Variants in LRGUK observed in about 807,000 individuals in gnomAD.
The protein encoded by LRGUK is leucine rich repeats and guanylate kinase domain containing.
In LRGUK, 65 loss-of-function variants were observed where a neutral mutation model predicts 76.0. The ratio of observed to expected loss-of-function variants is 0.85; its 90% CI spans 0.70 to 1.05. The LOEUF is 1.05. LRGUK is among the 50% of genes least tolerant of loss of function. LRGUK has a pLI of 0.00. For missense variants in LRGUK, 758 were observed against 732.8 expected (o/e 1.03, Z -0.40); for synonymous variants, 268 against 265.6 (o/e 1.01, Z -0.09).
At chr7:134,218,209 G>T (rs1801487900) in intron 15 of LRGUK, among the ~76,000 whole-genome samples, 2 of 152,154 alleles carry the variant, frequency 1.3e-5, no homozygotes, top group Non-Finnish European at 2.9e-5. Flanking sequence ...GTGAACGCCT[G>T]CCTCGGCCTC....
At position 134,220,874 on chromosome 7, in the gene LRGUK, C is replaced by T. The variant is rs542026920; in HGVS notation, c.1844-905C>T. The stretch of plus-strand genomic sequence containing the variant: ...TGTGAGCCATTGCACCTGGCCAAGT[C>T]GGGTCTTGTGTGCCAAGCATGCAGG... On this transcript the variant is annotated intron_variant, in intron 15 of 19. Coordinates refer to the LRGUK transcript ENST00000285928. 2.3e-4 allele frequency among the ~76,000 whole-genome samples: 35 copies of T among 152,144 alleles called. 1 individual carries two copies. Among genetic ancestry groups the T allele is most frequent in the African/African-American group, 8.2e-4 (34 of 41,506 alleles).
intron 15 of LRGUK, among the ~76,000 whole-genome samples, chr7:134,217,536 T>A (rs1801466931): frequency 3.3e-5 from 5 of 152,208 alleles, no homozygotes; most frequent in Admixed American, 3.3e-4. Flanking sequence ...TAAAAGTTTA[T>A]TTTGCTATGG....
chr7:134,204,926 C>T (rs970768523), intron 15 of LRGUK, among the ~76,000 whole-genome samples: 3 of 152,156 alleles, frequency 2.0e-5, no homozygotes, highest in Non-Finnish European at 2.9e-5. Flanking sequence ...CCAGTGGGTT[C>T]GTGGTCTTGC....
intron 19 of LRGUK, among the ~76,000 whole-genome samples, chr7:134,260,216 A>G (rs1008753629): frequency 2.0e-5 from 3 of 151,938 alleles, no homozygotes; most frequent in African/African-American, 7.3e-5. Context: ...ATATATATGC[A>G]TATTATAATA....
intron 16 of LRGUK, among the ~76,000 whole-genome samples, chr7:134,233,357 C>T (rs1367616770): frequency 6.6e-6 from 1 of 152,238 alleles, no homozygotes; most frequent in Non-Finnish European, 1.5e-5. Flanking sequence ...TCCTCCAACA[C>T]CTTTACCCCT....
chr7:134,237,937 A>G (rs1303037512), intron 16 of LRGUK, among the ~76,000 whole-genome samples: 1 of 152,142 alleles, frequency 6.6e-6, no homozygotes, highest in Non-Finnish European at 1.5e-5. Context: ...CCATTAAATT[A>G]CTCCGTTGAT....
chr7:134,181,381 A>G (rs956661220), intron 10 of LRGUK, among the ~76,000 whole-genome samples: 1 of 151,338 alleles, frequency 6.6e-6, no homozygotes, highest in Non-Finnish European at 1.5e-5. Flanking sequence ...TCTTTCCCTT[A>G]TATGTAATGT....
intron 5 of LRGUK, among the ~76,000 whole-genome samples, chr7:134,150,479 CAAAAAAA>C (rs11403705): frequency 7.4e-6 from 1 of 134,574 alleles, no homozygotes; most frequent in Non-Finnish European, 1.6e-5. Context: ...AACAAGCAAA[CAAAAAAA>C]AAAAAAAAAG....
intron 16 of LRGUK, among the ~76,000 whole-genome samples, chr7:134,226,218 A>ATGTGAGTG (rs747641349): frequency 8.5e-5 from 12 of 141,796 alleles, no homozygotes; most frequent in African/African-American, 3.4e-4. Flanking sequence ...CCCATCTCCA[A>ATGTGAGTG]TGTGTGTGTG....
At chr7:134,136,954 A>T (rs1385071426) in intron 1 of LRGUK, 69 bp from the exon 2 acceptor site, 3 of 1,275,150 alleles carry the variant, frequency 2.4e-6, no homozygotes, top group Non-Finnish European at 3.4e-6. Flanking sequence ...AGTGCTGGAT[A>T]TGACAAGATA....
intron 11 of LRGUK, among the ~76,000 whole-genome samples, chr7:134,190,250 C>T (rs187033264): frequency 2.0e-5 from 3 of 152,222 alleles, no homozygotes; most frequent in Admixed American, 6.5e-5. Context: ...TCTGTTGCCT[C>T]GGCTGGAATG....
At chr7:134,215,935 A>G (rs576479866) in intron 15 of LRGUK, among the ~76,000 whole-genome samples, 5 of 152,230 alleles carry the variant, frequency 3.3e-5, no homozygotes, top group Non-Finnish European at 7.3e-5. Context: ...TGATTATGAG[A>G]GTGCAGTCAT....
chr7:134,203,604 A>C (rs1397770587), intron 15 of LRGUK, among the ~76,000 whole-genome samples: 1 of 152,186 alleles, frequency 6.6e-6, no homozygotes, highest in Non-Finnish European at 1.5e-5. Flanking sequence ...ATAGGAGATG[A>C]AGTGACCAGG....
the LRGUK span, among the ~76,000 whole-genome samples, chr7:134,272,408 C>A: frequency 6.6e-6 from 1 of 152,048 alleles, no homozygotes; most frequent in Non-Finnish European, 1.5e-5. Context: ...CCTTTCCCTC[C>A]TTACCTCCCT....
At position 134,249,086 on chromosome 7, in the gene LRGUK, G is replaced by C; in HGVS notation, c.2198+10G>C. ...CATATCCTGAAAAGAGGTGAGTTGAGGTGTTTTGTTGGATGGAATTGGCTA... is the reference window on the plus strand; with the variant it reads ...CATATCCTGAAAAGAGGTGAGTTGACGTGTTTTGTTGGATGGAATTGGCTA... On this transcript the variant is annotated intron_variant, in intron 18 of 19. Coordinates refer to the LRGUK transcript ENST00000285928. 1 of 1,560,400 alleles carries C rather than the reference G, an allele frequency of 6.4e-7. No individual in the cohort carries two copies. Among genetic ancestry groups the C allele is most frequent in the Non-Finnish European group, 8.7e-7 (1 of 1,152,492 alleles).
intron 15 of LRGUK, among the ~76,000 whole-genome samples, chr7:134,220,482 T>C (rs1448762125): frequency 6.6e-6 from 1 of 152,170 alleles, no homozygotes; most frequent in Non-Finnish European, 1.5e-5. Context: ...TAGGTAAGAA[T>C]CTGTCCCCAG....
chr7:134,222,274 T>C (rs1311507679), intron 16 of LRGUK, among the ~76,000 whole-genome samples: 1 of 152,226 alleles, frequency 6.6e-6, no homozygotes, highest in East Asian at 1.9e-4. Context: ...TTGAGTATTC[T>C]TGGGCTGAGC....
chr7:134,221,536 G>A lies in LRGUK; in HGVS notation c.1844-243G>A, dbSNP rs117317170. Among the ~76,000 whole-genome samples, 582 of 152,112 alleles carry A rather than the reference G, an allele frequency of 3.8e-3. 2 individuals carry two copies. The highest frequency in any genetic ancestry group is 6.6e-3 in the Non-Finnish European group (447 of 67,988). ...TTACTTCTTTTGATTTTATTTATAA[G>A]CCTGAATTGATTAAGTATTGGGTAT... is the stretch of plus-strand genomic sequence containing the variant. On this transcript the variant is annotated intron_variant, in intron 15 of 19. Coordinates refer to the LRGUK transcript ENST00000285928.
chr7:134,141,382 C>T (rs1797758089), intron 3 of LRGUK, among the ~76,000 whole-genome samples: 1 of 152,028 alleles, frequency 6.6e-6, no homozygotes, highest in African/African-American at 2.4e-5. Flanking sequence ...CGAATAAGCT[C>T]CTGGATGAGG....
Sources: gnomAD v4.1 joint callset for allele counts (sites outside exome capture counted in the v4.1 genomes callset) on GRCh38, gnomAD v4.1.1 for gene constraint, MANE v1.5 for transcripts, NCBI Gene and HGNC (gene_info 2026-07-23, HGNC 2026-07-21) for gene names.